TSNARE1: variants seen among roughly 807,000 people sequenced by gnomAD.
TSNARE1 encodes t-SNARE domain containing 1.
In TSNARE1, 49 loss-of-function variants were observed where a neutral mutation model predicts 62.0. The ratio of observed to expected loss-of-function variants is 0.79; its 90% confidence interval spans 0.63 to 1.00. The LOEUF is 1.00. Ranked by LOEUF, TSNARE1 falls within the 50% of genes least tolerant of loss-of-function variation. TSNARE1 has a pLI of 0.00. For missense variants in TSNARE1, 755 were observed against 700.1 expected (o/e 1.08, Z -0.88); for synonymous variants, 328 against 294.4 (o/e 1.11, Z -1.17).
chr8:142,311,818 T>C (rs373430712), intron 9 of TSNARE1, among the ~76,000 whole-genome samples: 7 of 152,166 alleles, frequency 4.6e-5, no homozygotes, highest in African/African-American at 1.4e-4. Context: ...CCCAGCCTTC[T>C]AATTCACCAA....
chr8:142,402,107 C>A (rs1838333664), intron 1 of TSNARE1, among the ~76,000 whole-genome samples: 1 of 152,096 alleles, frequency 6.6e-6, no homozygotes, highest in African/African-American at 2.4e-5. Flanking sequence ...TGCCCCCAAG[C>A]CAGGAGCGAG....
At chr8:142,339,812 C>T (rs973473781) in intron 4 of TSNARE1, among the ~76,000 whole-genome samples, 7 of 152,254 alleles carry the variant, frequency 4.6e-5, no homozygotes, top group African/African-American at 1.4e-4. Flanking sequence ...TCTGGGCCCT[C>T]GCCAGCGGAG....
At chr8:142,273,725 A>G (rs1819971448) in intron 12 of TSNARE1, 13 of 985,356 alleles carry the variant, frequency 1.3e-5, no homozygotes, top group African/African-American at 1.7e-5. Context: ...GCTGGGTCCC[A>G]CTGGGGAAGC....
intron 12 of TSNARE1, among the ~76,000 whole-genome samples, chr8:142,256,946 A>C (rs564818312): frequency 6.6e-6 from 1 of 152,342 alleles, no homozygotes; most frequent in Non-Finnish European, 1.5e-5. Context: ...GCTCTGAGCC[A>C]CAGGTATTGG....
At chr8:142,384,796 C>T (rs1837000985) in intron 1 of TSNARE1, among the ~76,000 whole-genome samples, 1 of 152,142 alleles carries the variant, frequency 6.6e-6, no homozygotes, top group Admixed American at 6.5e-5. Context: ...CTATGACAGA[C>T]ACCAAAAGCA....
intron 11 of TSNARE1, chr8:142,280,062 T>C (rs1821157932): frequency 1.6e-6 from 2 of 1,236,078 alleles, no homozygotes; most frequent in Non-Finnish European, 2.1e-6. Flanking sequence ...GCGCGTTCAC[T>C]GCCTGCAGGA....
In TSNARE1 at chr8:142,331,759, G is replaced by A. The variant is rs577990871; in HGVS notation, c.818C>T (p.Ser273Phe). ...CAGGCCAGACGCACACTCACCACTG[G>A]AGTTGATTCGGAAGACGTTGGCCGA... Reference protein sequence around the residue: ...EMSANVFRINSSVTSLERSLQ... With the variant: ...EMSANVFRINFSVTSLERSLQ... Residue 273 changes from serine (S) to phenylalanine (F), a missense_variant, in exon 5 of 14, where the codon TCC becomes TTC. By Grantham distance (155) the Ser-to-Phe change is radical. Coordinates refer to ENST00000524325, the MANE Select transcript of TSNARE1 (RefSeq NM_145003.5). The A allele has an allele frequency of 5.6e-6, 9 of 1,597,570 alleles. No individual in the cohort carries two copies. In the South Asian group the frequency reaches 5.7e-5, roughly 10 times the overall value.
At chr8:142,300,051 C>G (rs1825456058) in intron 10 of TSNARE1, 1 of 155,582 alleles carries the variant, frequency 6.4e-6, no homozygotes, top group Non-Finnish European at 1.4e-5. Flanking sequence ...GTAGCACCAC[C>G]AAATTGCAGG....
At chr8:142,352,568 C>T (rs759957784) in intron 2 of TSNARE1, among the ~76,000 whole-genome samples, 3 of 152,276 alleles carry the variant, frequency 2.0e-5, no homozygotes, top group Non-Finnish European at 4.4e-5. Flanking sequence ...ACAGACGCCG[C>T]GGTGTGCTCA....
chr8:142,280,053 C>T (rs1009826990), intron 11 of TSNARE1: 55 of 1,236,272 alleles, frequency 4.4e-5, no homozygotes, highest in Non-Finnish European at 5.6e-5. Context: ...AGTAGCCCAG[C>T]GCGTTCACTG....
At chr8:142,350,141 C>T (rs1362804139) in intron 2 of TSNARE1, among the ~76,000 whole-genome samples, 8 of 70,150 alleles carry the variant, frequency 1.1e-4, no homozygotes, top group East Asian at 4.3e-4. Flanking sequence ...GCAGGCAGGG[C>T]GGGCAGGGCT....
chr8:142,312,117 T>G (rs957490672), intron 9 of TSNARE1, among the ~76,000 whole-genome samples: 4 of 152,240 alleles, frequency 2.6e-5, no homozygotes, highest in Non-Finnish European at 4.4e-5. Context: ...TGAACATTCC[T>G]CATCAAAAAT....
chr8:142,334,100 T>C (rs771121561), intron 4 of TSNARE1, among the ~76,000 whole-genome samples: 2 of 152,266 alleles, frequency 1.3e-5, no homozygotes, highest in Non-Finnish European at 2.9e-5. Context: ...TCTATACTTG[T>C]GCCAATCACT....
At chr8:142,222,369 AATTC>A (rs1816359213) in intron 13 of TSNARE1, among the ~76,000 whole-genome samples, 1 of 11,538 alleles carries the variant, frequency 8.7e-5, no homozygotes, top group Non-Finnish European at 1.7e-4. Context: ...CTCATCCACT[AATTC>A]ACTCACTCAC....
intron 11 of TSNARE1, chr8:142,276,813 A>G: frequency 1.0e-6 from 1 of 985,418 alleles, no homozygotes; most frequent in Non-Finnish European, 1.2e-6. Flanking sequence ...CCACAGACCC[A>G]GGGCGGTCCC....
At chr8:142,367,470 C>G (rs1354188356) in intron 1 of TSNARE1, among the ~76,000 whole-genome samples, 2 of 145,650 alleles carry the variant, frequency 1.4e-5, no homozygotes, top group African/African-American at 5.1e-5. Context: ...ATGAGAGGTC[C>G]GCAAGACGCA....
intron 12 of TSNARE1, among the ~76,000 whole-genome samples, chr8:142,242,560 C>T (rs1421653686): frequency 1.3e-5 from 2 of 152,212 alleles, no homozygotes; most frequent in Non-Finnish European, 2.9e-5. Flanking sequence ...ACCCAAACAA[C>T]TCAATAGCAA....
rs191777331 is a variant in TSNARE1, at chr8:142,335,674, T to C, written c.746-3843A>G. On this transcript the variant is annotated intron_variant, in intron 4 of 13. Transcript: ENST00000524325. ...ATATAGAAAGCAAACATCAAGACAG[T>C]AGAGTTAAAGCCAACATGAAGGCCT... is the stretch of plus-strand genomic sequence containing the variant. Among the ~76,000 whole-genome samples the C allele has an allele frequency of 7.8e-4, 118 of 152,186 alleles. 1 individual carries two copies. Among genetic ancestry groups the C allele is most frequent in the African/African-American group, 2.3e-3 (97 of 41,512 alleles).
intron 13 of TSNARE1, among the ~76,000 whole-genome samples, chr8:142,227,534 C>T (rs954950592): frequency 6.6e-6 from 1 of 152,238 alleles, no homozygotes; most frequent in Non-Finnish European, 1.5e-5. Context: ...ATTCTGCCCA[C>T]AACCCCAACA....
Sources: allele counts gnomAD v4.1 joint callset (sites outside exome capture counted in the v4.1 genomes callset), GRCh38; gene constraint gnomAD v4.1.1; transcripts MANE v1.5; gene names NCBI Gene and HGNC (gene_info 2026-07-23, HGNC 2026-07-21).